The following COL6A6 variants were observed in gnomAD, a reference collection of about 807,000 sequenced individuals.
COL6A6 encodes the protein collagen type VI alpha 6 chain.
In COL6A6, 183 loss-of-function variants were observed where a neutral mutation model predicts 208.6. That is an observed-to-expected ratio of 0.88 (90% CI 0.78 to 0.99). The LOEUF (loss-of-function observed/expected upper bound fraction) is 0.99. COL6A6 is among the 50% of genes least tolerant of loss of function. The pLI, the probability that COL6A6 is intolerant of heterozygous loss-of-function variation, is 0.00. For missense variants in COL6A6, 2,816 were observed against 2,815.2 expected (o/e 1.00, Z -0.01); for synonymous variants, 973 against 1,011.8 (o/e 0.96, Z 0.73).
At chr3:130,572,327 A>G (rs2107941243) in intron 7 of COL6A6, among the ~76,000 whole-genome samples, 1 of 152,250 alleles carries the variant, frequency 6.6e-6, no homozygotes, top group Middle Eastern at 3.4e-3. Context: ...CTATCATTTT[A>G]TACTTTTGGT....
At chr3:130,668,113 C>T (rs1395967800) in intron 36 of COL6A6, among the ~76,000 whole-genome samples, 2 of 150,912 alleles carry the variant, frequency 1.3e-5, no homozygotes, top group African/African-American at 4.9e-5. Context: ...TATGAGTAAT[C>T]ACAAAAAAAA....
chr3:130,542,114 A>G (rs1156769563), intron 1 of COL6A6, among the ~76,000 whole-genome samples: 1 of 147,918 alleles, frequency 6.8e-6, no homozygotes, highest in African/African-American at 2.5e-5. Flanking sequence ...TCAGGGAACC[A>G]TCTTTTGGTT....
Position 130,599,770 on chromosome 3 carries a change from G to T in COL6A6, c.4613G>T (p.Trp1538Leu), listed in dbSNP as rs376123767. The change falls in exon 20 of 37, where the codon TGG becomes TTG. Residue 1538 changes from tryptophan (W) to leucine (L), a missense_variant. Transcript: ENST00000358511. The part of the protein sequence containing the change: ...GERGRQGRRG[W>L]PGPPGTPGSR... ...TTCCTTTGACAGGGCAGAAGAGGCT[G>T]GCCAGGCCCCCCCGGGACACCAGGC... The T allele has an allele frequency of 6.2e-7, 1 of 1,613,784 alleles. No individual in the cohort carries two copies. The highest frequency in any genetic ancestry group is 8.5e-7 in the Non-Finnish European group (1 of 1,179,776).
intron 20 of COL6A6, 143 bp from the exon 21 acceptor site, chr3:130,606,788 G>C (rs2064194608): frequency 5.4e-6 from 3 of 553,146 alleles, no homozygotes; most frequent in Non-Finnish European, 9.4e-6. Context: ...TGCTTTCATG[G>C]TACAGTGGAA....
chr3:130,596,247 A>G (rs1038430293), intron 18 of COL6A6, among the ~76,000 whole-genome samples: 4 of 152,242 alleles, frequency 2.6e-5, no homozygotes, highest in Admixed American at 6.5e-5. Flanking sequence ...CTATCCACAT[A>G]TAAGCACAAC....
intron 26 of COL6A6, among the ~76,000 whole-genome samples, chr3:130,629,103 T>C (rs2064981839): frequency 2.6e-5 from 1 of 38,112 alleles, no homozygotes; most frequent in African/African-American, 2.7e-4. Context: ...TACTCTGAGC[T>C]ACGGGAGGAC....
intron 36 of COL6A6, among the ~76,000 whole-genome samples, chr3:130,672,352 T>C (rs1244336456): frequency 6.6e-6 from 1 of 152,136 alleles, no homozygotes; most frequent in Non-Finnish European, 1.5e-5. Context: ...TTGAACAATA[T>C]ATAGTAGGAT....
At chr3:130,562,521 A>C (rs2062916477) in intron 2 of COL6A6, among the ~76,000 whole-genome samples, 1 of 152,170 alleles carries the variant, frequency 6.6e-6, no homozygotes, top group South Asian at 2.1e-4. Context: ...TTTTAAACTT[A>C]ATGTGACTGT....
intron 33 of COL6A6, among the ~76,000 whole-genome samples, chr3:130,655,572 A>G (rs893076892): frequency 1.4e-4 from 22 of 152,234 alleles, no homozygotes; most frequent in African/African-American, 4.8e-4. Flanking sequence ...TGAGAGATCA[A>G]TGGGCACAGT....
intron 1 of COL6A6, among the ~76,000 whole-genome samples, chr3:130,526,895 T>C (rs541976702): frequency 6.6e-6 from 1 of 152,328 alleles, no homozygotes; most frequent in South Asian, 2.1e-4. Context: ...TAATAAATAT[T>C]ACTTGAATGA....
chr3:130,545,814 C>T (rs1204176796), intron 1 of COL6A6, among the ~76,000 whole-genome samples: 2 of 152,140 alleles, frequency 1.3e-5, no homozygotes, highest in African/African-American at 4.8e-5. Context: ...CGTTGGTGTA[C>T]TTTTTTGGCA....
In COL6A6 at chr3:130,665,080, C is replaced by T. The variant is rs199781639; in HGVS notation, c.6580C>T (p.Pro2194Ser). 1.4e-4 allele frequency: 231 copies of T among 1,609,366 alleles called. No homozygotes were observed. The highest frequency in any genetic ancestry group is 4.0e-5 in the African/African-American group (3 of 74,772). The change falls in exon 36 of 37, where the codon CCA becomes TCA. Residue 2194 changes from proline to serine, a missense_variant. Coordinates refer to ENST00000358511, the MANE Select transcript of COL6A6 (RefSeq NM_001102608.3). ...RLNSIDPKQP[P>S]RPFRSFVPGP... ...TAACTCTATAGATCCAAAGCAGCCC[C>T]CACGACCATTCCGAAGGTACTGTCT...
chr3:130,553,706 A>G (rs796812796), intron 1 of COL6A6, among the ~76,000 whole-genome samples: 5 of 151,916 alleles, frequency 3.3e-5, no homozygotes, highest in African/African-American at 9.7e-5. Flanking sequence ...TGGTATGGTC[A>G]TTTGGAGGTA....
Position 130,580,974 on chromosome 3 carries a change from A to G in COL6A6, c.3548-587A>G, listed in dbSNP as rs534079938. On this transcript the variant is annotated intron_variant, in intron 8 of 36. Coordinates refer to ENST00000358511, the MANE Select transcript of COL6A6 (RefSeq NM_001102608.3). Reference sequence around the variant, plus strand: ...TCATTTGTCAGACTTACACCAAGCAAGATCTCAAAGGATCTCCTGAATTTT... The same window carrying G: ...TCATTTGTCAGACTTACACCAAGCAGGATCTCAAAGGATCTCCTGAATTTT... Among the ~76,000 whole-genome samples the G allele has an allele frequency of 1.4e-3, 219 of 151,486 alleles. 1 individual carries two copies. Among genetic ancestry groups the G allele is most frequent in the African/African-American group, 5.1e-3 (211 of 41,338 alleles).
intron 1 of COL6A6, among the ~76,000 whole-genome samples, chr3:130,549,908 C>T (rs967536993): frequency 9.8e-5 from 15 of 152,290 alleles, no homozygotes; most frequent in African/African-American, 3.6e-4. Context: ...TTCTTTTCCT[C>T]ATTCTCTGAA....
At chr3:130,533,697 A>C (rs2062159978) in intron 1 of COL6A6, among the ~76,000 whole-genome samples, 1 of 152,232 alleles carries the variant, frequency 6.6e-6, no homozygotes, top group Non-Finnish European at 1.5e-5. Context: ...GTTTTGTTTT[A>C]ATGTACCTCT....
intron 20 of COL6A6, among the ~76,000 whole-genome samples, chr3:130,602,894 A>T (rs554402890): frequency 3.9e-5 from 6 of 152,314 alleles, no homozygotes; most frequent in Admixed American, 1.3e-4. Flanking sequence ...ATCAGCATGC[A>T]TCATTCTCAT....
chr3:130,529,287 TAAAAAAAAAA>T (rs563804664), intron 1 of COL6A6, among the ~76,000 whole-genome samples: 1 of 98,562 alleles, frequency 1.0e-5, no homozygotes, highest in Non-Finnish European at 2.4e-5. Context: ...GCAGGAAATG[TAAAAAAAAAA>T]AAAAAAAAAG....
rs367572161 is a variant in COL6A6 at position 130,563,438 on chromosome 3, T to C, written c.435T>C (p.Asp145=). The change falls in exon 3 of 37, where the codon GAT becomes GAC. Residue 145 remains aspartate (D), a synonymous_variant. Coordinates refer to ENST00000358511, the MANE Select transcript of COL6A6 (RefSeq NM_001102608.3). ...TCCTGGCTTCATCTGAGTCTGAGGA[T>C]AATGTGGAAGAGGCATCAAAGGCCC... ...LVVLASSESE[D]NVEEASKALR... 22 of 1,613,836 alleles carry C rather than the reference T, an allele frequency of 1.4e-5. No homozygotes were observed. The highest frequency in any genetic ancestry group is 1.8e-5 in the Non-Finnish European group (21 of 1,179,894).
Sources: allele counts gnomAD v4.1 joint callset (sites outside exome capture counted in the v4.1 genomes callset), GRCh38; gene constraint gnomAD v4.1.1; transcripts MANE v1.5; gene names NCBI Gene and HGNC (gene_info 2026-07-23, HGNC 2026-07-21).